The following MYO3B variants were observed in gnomAD, a reference collection of about 807,000 sequenced individuals.
MYO3B encodes the protein myosin-IIIb.
A neutral mutation model predicts 174.6 loss-of-function variants in MYO3B; 156 were observed. That is an observed-to-expected ratio of 0.89 (90% CI 0.78 to 1.02). The LOEUF (loss-of-function observed/expected upper bound fraction) is 1.02. MYO3B is among the 50% of genes least tolerant of loss of function. MYO3B has a pLI of 0.00. For synonymous variants in MYO3B, 563 were observed against 569.1 expected, an observed-to-expected ratio of 0.99 and a Z score of 0.15; for missense variants, 1,632 against 1,639.4, an observed-to-expected ratio of 1.00 and a Z score of 0.08.
At chr2:170,285,651 C>T (rs1028531001) in intron 7 of MYO3B, among the ~76,000 whole-genome samples, 1 of 152,202 alleles carries the variant, frequency 6.6e-6, no homozygotes, top group African/African-American at 2.4e-5. Context: ...AGGCGTGAGC[C>T]ACCGTGCTCA....
intron 32 of MYO3B, among the ~76,000 whole-genome samples, chr2:170,609,873 G>T (rs1432272801): frequency 6.6e-6 from 1 of 152,232 alleles, no homozygotes; most frequent in Non-Finnish European, 1.5e-5. Flanking sequence ...AATCACTCTG[G>T]GTGGGGAAAG....
At chr2:170,214,520 G>T in intron 4 of MYO3B, 37 bp downstream of exon 4, 1 of 1,588,044 alleles carries the variant, frequency 6.3e-7, no homozygotes, top group South Asian at 1.1e-5. Flanking sequence ...GACAGCAGAT[G>T]GGATGGTTTG....
rs71412032 is a variant in MYO3B at position 170,619,737 on chromosome 2, C to CTTTTTTTTTTTTTTTTTTTTT, written c.3734-31884_3734-31864dup. 4.5e-4 allele frequency among the ~76,000 whole-genome samples: 23 copies of CTTTTTTTTTTTTTTTTTTTTT among 50,780 alleles called. 8 individuals are homozygous for CTTTTTTTTTTTTTTTTTTTTT. Among genetic ancestry groups the CTTTTTTTTTTTTTTTTTTTTT allele is most frequent in the Admixed American group, 1.0e-3 (3 of 2,978 alleles). The allele number at this position is 50,780 out of a possible 152,430, so 33.3% of individuals were successfully genotyped here. A position where few individuals can be genotyped will look rare whatever the true frequency, so the allele number is the denominator to read the frequency against. On this transcript the variant is annotated intron_variant, in intron 32 of 34. Transcript: ENST00000408978. ...GATGGCCCATCACTGCTGCCATATT[C>CTTTTTTTTTTTTTTTTTTTTT]TTTTTTTTTTTTTTTTTTTTTTTTT...
intron 30 of MYO3B, 125 bp downstream of exon 30, chr2:170,519,665 G>C: frequency 1.2e-6 from 1 of 844,960 alleles, no homozygotes; most frequent in Non-Finnish European, 1.8e-6. Flanking sequence ...GAACTGGAGA[G>C]AGTGGAACCA....
intron 5 of MYO3B, 83 bp downstream of exon 5, chr2:170,214,911 G>T (rs2092811441): frequency 1.1e-5 from 11 of 1,021,910 alleles, no homozygotes; most frequent in Non-Finnish European, 1.5e-5. Flanking sequence ...GAAGACTGGG[G>T]CTTCTCTGCT....
At chr2:170,407,431 G>A (rs181067433) in intron 21 of MYO3B, among the ~76,000 whole-genome samples, 96 of 152,004 alleles carry the variant, frequency 6.3e-4, no homozygotes, top group Admixed American at 1.2e-3. Flanking sequence ...ACTGCACTCC[G>A]GCCTGGGTGA....
intron 25 of MYO3B, 90 bp downstream of exon 25, chr2:170,466,801 C>G (rs535515929): frequency 3.8e-6 from 5 of 1,314,614 alleles, no homozygotes; most frequent in African/African-American, 1.5e-5. Flanking sequence ...CCTGCGTGCT[C>G]TCCTCCAAAC....
At position 170,463,451 on chromosome 2, in the gene MYO3B, G is replaced by A; in HGVS notation, c.2808+6G>A. On this transcript the variant is annotated splice_donor_region_variant and intron_variant, in intron 24 of 34. Transcript: ENST00000408978. ...CTGTGGCTTCTTACTTCCGGGTATG[G>A]AGTCTTCTTGATCTCTATTCTGCCT... The A allele has an allele frequency of 6.2e-7, 1 of 1,613,246 alleles. No individual in the cohort carries two copies. The highest frequency in any genetic ancestry group is 8.5e-7 in the Non-Finnish European group (1 of 1,179,498).
chr2:170,565,601 C>T (rs1294148205), intron 32 of MYO3B, among the ~76,000 whole-genome samples: 1 of 152,154 alleles, frequency 6.6e-6, no homozygotes, highest in Non-Finnish European at 1.5e-5. Flanking sequence ...CAGTTGTAGC[C>T]ATAGGACTGG....
At chr2:170,567,829 A>G (rs1382873990) in intron 32 of MYO3B, among the ~76,000 whole-genome samples, 2 of 152,230 alleles carry the variant, frequency 1.3e-5, no homozygotes, top group Non-Finnish European at 2.9e-5. Flanking sequence ...TGAAATTTAG[A>G]CATGGGATGG....
chr2:170,471,923 A>G (rs928110056), intron 25 of MYO3B, among the ~76,000 whole-genome samples: 2 of 151,528 alleles, frequency 1.3e-5, no homozygotes, highest in Non-Finnish European at 1.5e-5. Flanking sequence ...CCCGGAAGGC[A>G]GAGGTTGTGG....
intron 1 of MYO3B, among the ~76,000 whole-genome samples, chr2:170,196,130 TAGG>T (rs887041719): frequency 7.9e-5 from 12 of 152,308 alleles, no homozygotes; most frequent in Admixed American, 7.2e-4. Flanking sequence ...TTCCACCTGA[TAGG>T]AGGCAACTCC....
chr2:170,280,230 T>C (rs1056987529), intron 7 of MYO3B, among the ~76,000 whole-genome samples: 1 of 152,252 alleles, frequency 6.6e-6, no homozygotes, highest in Non-Finnish European at 1.5e-5. Flanking sequence ...TGAGCTTTTT[T>C]TCATATGATT....
At chr2:170,594,915 A>C (rs1694050768) in intron 32 of MYO3B, among the ~76,000 whole-genome samples, 1 of 151,752 alleles carries the variant, frequency 6.6e-6, no homozygotes, top group Admixed American at 6.6e-5. Context: ...CAGGTACAGA[A>C]GGTAATCATT....
At chr2:170,580,718 A>ATATATATATGTGTGTG (rs768974458) in intron 32 of MYO3B, among the ~76,000 whole-genome samples, 33 of 142,774 alleles carry the variant, frequency 2.3e-4, no homozygotes, top group African/African-American at 7.6e-4. Context: ...AACCTTATAT[A>ATATATATATGTGTGTG]TGTGTGTGTG....
intron 7 of MYO3B, among the ~76,000 whole-genome samples, chr2:170,279,646 CTGT>C (rs571466071): frequency 6.6e-6 from 1 of 152,110 alleles, no homozygotes; most frequent in Non-Finnish European, 1.5e-5. Flanking sequence ...GCCTCAGTGT[CTGT>C]TGTTTTATTC....
intron 19 of MYO3B, 150 bp from the exon 20 acceptor site, chr2:170,404,097 T>G: frequency 1.3e-6 from 1 of 757,230 alleles, no homozygotes; most frequent in Non-Finnish European, 2.1e-6. Flanking sequence ...TGGTGTTATA[T>G]GCAGAAGATT....
chr2:170,439,102 A>C (rs1574980076), intron 22 of MYO3B, among the ~76,000 whole-genome samples: 1 of 143,758 alleles, frequency 7.0e-6, no homozygotes. Context: ...GCCAGGCATG[A>C]TGGCTCACAC....
intron 32 of MYO3B, among the ~76,000 whole-genome samples, chr2:170,639,142 C>T (rs1697762530): frequency 6.6e-6 from 1 of 152,208 alleles, no homozygotes; most frequent in Non-Finnish European, 1.5e-5. Context: ...TTCCAATCTT[C>T]AAAGAAATTC....
Sources: allele counts gnomAD v4.1 joint callset (sites outside exome capture counted in the v4.1 genomes callset), GRCh38; gene constraint gnomAD v4.1.1; transcripts MANE v1.5; gene names NCBI Gene and HGNC (gene_info 2026-07-23, HGNC 2026-07-21).